WWOX: variants seen among roughly 807,000 people sequenced by gnomAD.
The protein encoded by WWOX is WW domain containing oxidoreductase, also known as WW domain-containing oxidoreductase.
In WWOX, 69 loss-of-function variants were observed where a neutral mutation model predicts 46.2. The observed-to-expected ratio is 1.49, with a 90% CI of 1.23 to 1.82. The LOEUF (loss-of-function observed/expected upper bound fraction) is 1.82. WWOX is among the 40% of genes most tolerant of loss of function. WWOX has a pLI of 0.00. For missense variants in WWOX, 919 were observed against 542.6 expected, an observed-to-expected ratio of 1.69 and a Z score of -6.89; for synonymous variants, 359 against 202.6, an observed-to-expected ratio of 1.77 and a Z score of -6.56.
intron 8 of WWOX, among the ~76,000 whole-genome samples, chr16:78,949,630 C>G (rs149522861): frequency 3.1e-4 from 47 of 152,338 alleles, no homozygotes; most frequent in Non-Finnish European, 5.4e-4. Flanking sequence ...TTCTTTTAAT[C>G]CACCTCTCCA....
At chr16:78,855,733 C>T (rs2052551008) in intron 8 of WWOX, among the ~76,000 whole-genome samples, 1 of 152,162 alleles carries the variant, frequency 6.6e-6, no homozygotes, top group African/African-American at 2.4e-5. Flanking sequence ...GAGAGACGCA[C>T]CACCTCTCCT....
intron 7 of WWOX, among the ~76,000 whole-genome samples, chr16:78,431,979 G>C (rs966358250): frequency 8.5e-5 from 13 of 152,144 alleles, no homozygotes; most frequent in African/African-American, 2.9e-4. Flanking sequence ...GCTTCCTAAA[G>C]TGCTGGGATT....
rs1329865058 is a variant in WWOX at position 79,211,680 on chromosome 16, A to AACAACTGCTGCCGCTGC, written c.1131_1147dup (p.Met383ThrfsTer28). 1 of 1,614,158 alleles carries AACAACTGCTGCCGCTGC rather than the reference A, an allele frequency of 6.2e-7. No individual in the cohort carries two copies. ...GGAGGGTCTGGGAGGGATGTACTTC[A>AACAACTGCTGCCGCTGC]ACAACTGCTGCCGCTGCATGCCCTC... On this transcript the variant is annotated frameshift_variant, in exon 9 of 9. Coordinates refer to ENST00000566780, the MANE Select transcript of WWOX (RefSeq NM_016373.4). LOFTEE classifies it high-confidence loss of function.
chr16:78,860,857 G>C (rs1020768523), intron 8 of WWOX, among the ~76,000 whole-genome samples: 6 of 152,178 alleles, frequency 3.9e-5, no homozygotes, highest in African/African-American at 1.4e-4. Flanking sequence ...TTGTTTTTGA[G>C]ATAGGGTCTC....
intron 8 of WWOX, among the ~76,000 whole-genome samples, chr16:78,704,231 A>G (rs956835196): frequency 4.6e-5 from 7 of 152,034 alleles, no homozygotes; most frequent in African/African-American, 1.7e-4. Context: ...AAACAGTGCA[A>G]CCTACCTTAG....
At chr16:78,656,785 C>T (rs985053517) in intron 8 of WWOX, among the ~76,000 whole-genome samples, 1 of 152,134 alleles carries the variant, frequency 6.6e-6, no homozygotes, top group African/African-American at 2.4e-5. Flanking sequence ...AACCCAAGCG[C>T]CACAATCCTT....
At chr16:78,665,808 T>C (rs1282555884) in intron 8 of WWOX, among the ~76,000 whole-genome samples, 1 of 152,086 alleles carries the variant, frequency 6.6e-6, no homozygotes, top group Admixed American at 6.5e-5. Flanking sequence ...CCTCAGACTC[T>C]CAAGTAGCTG....
intron 5 of WWOX, among the ~76,000 whole-genome samples, chr16:78,280,462 C>T (rs1597440016): frequency 6.6e-6 from 1 of 152,164 alleles, no homozygotes; most frequent in Non-Finnish European, 1.5e-5. Flanking sequence ...TTAGGCTGTT[C>T]TTGCACTGCT....
intron 8 of WWOX, among the ~76,000 whole-genome samples, chr16:79,106,145 T>G (rs2150643635): frequency 6.6e-6 from 1 of 152,316 alleles, no homozygotes; most frequent in South Asian, 2.1e-4. Context: ...TCCCCAGACC[T>G]ACTGCGTCTG....
intron 8 of WWOX, among the ~76,000 whole-genome samples, chr16:78,698,052 C>T (rs1198243246): frequency 6.6e-6 from 1 of 152,174 alleles, no homozygotes; most frequent in African/African-American, 2.4e-5. Context: ...ATTATAAATG[C>T]TACTTAAAAT....
chr16:78,791,600 G>T (rs2050601975), intron 8 of WWOX, among the ~76,000 whole-genome samples: 1 of 152,118 alleles, frequency 6.6e-6, no homozygotes, highest in Non-Finnish European at 1.5e-5. Flanking sequence ...CAGAAGGGCT[G>T]GGTGCGGTGG....
At chr16:79,094,858 A>G (rs150907424) in intron 8 of WWOX, among the ~76,000 whole-genome samples, 30 of 152,284 alleles carry the variant, frequency 2.0e-4, no homozygotes, top group African/African-American at 7.2e-4. Context: ...CAACAGGTTT[A>G]CACTGTGTCT....
At chr16:78,476,047 A>G (rs1469597748) in intron 8 of WWOX, among the ~76,000 whole-genome samples, 1 of 151,744 alleles carries the variant, frequency 6.6e-6, no homozygotes, top group East Asian at 1.9e-4. Flanking sequence ...TAAAATGATC[A>G]CTCCCCAGTT....
chr16:78,356,885 AAAC>A (rs1463729438), intron 5 of WWOX, among the ~76,000 whole-genome samples: 2 of 152,194 alleles, frequency 1.3e-5, no homozygotes, highest in Non-Finnish European at 2.9e-5. Context: ...CCATCTCAAA[AAAC>A]AAACAAAAAA....
At chr16:78,561,805 C>G (rs894323953) in intron 8 of WWOX, among the ~76,000 whole-genome samples, 3 of 152,170 alleles carry the variant, frequency 2.0e-5, no homozygotes, top group Non-Finnish European at 2.9e-5. Flanking sequence ...GAGAAGAACG[C>G]AGGGTTCCTT....
chr16:78,787,797 G>C (rs1441250208), intron 8 of WWOX, among the ~76,000 whole-genome samples: 2 of 152,106 alleles, frequency 1.3e-5, no homozygotes, highest in East Asian at 3.9e-4. Context: ...GTATATGAAG[G>C]TTCCAATTTC....
intron 8 of WWOX, among the ~76,000 whole-genome samples, chr16:78,915,261 C>G (rs982750623): frequency 9.2e-5 from 14 of 152,272 alleles, no homozygotes; most frequent in African/African-American, 2.4e-4. Context: ...CATGACCATT[C>G]CAGTCATGAA....
chr16:78,406,753 A>G (rs2082557903), intron 6 of WWOX, among the ~76,000 whole-genome samples: 1 of 150,542 alleles, frequency 6.6e-6, no homozygotes, highest in East Asian at 2.0e-4. Context: ...CAGCCTCCCC[A>G]GTAGCTGGGA....
At chr16:78,385,642 G>T (rs2082045834) in intron 5 of WWOX, among the ~76,000 whole-genome samples, 1 of 152,170 alleles carries the variant, frequency 6.6e-6, no homozygotes, top group Non-Finnish European at 1.5e-5. Context: ...CCCAGCTCCT[G>T]TCCATCCCTG....
Sources: gnomAD v4.1 joint callset for allele counts (sites outside exome capture counted in the v4.1 genomes callset) on GRCh38, gnomAD v4.1.1 for gene constraint, MANE v1.5 for transcripts, NCBI Gene and HGNC (gene_info 2026-07-23, HGNC 2026-07-21) for gene names.